Variants in CPLX2 observed in about 807,000 individuals in gnomAD.
CPLX2 encodes complexin 2, also known as complexin-2.
In CPLX2, 5 loss-of-function variants were observed where a neutral mutation model predicts 16.3. The observed-to-expected ratio is 0.31, with a 90% CI of 0.16 to 0.64. The LOEUF is 0.64. Among genes scored for constraint, CPLX2 ranks in the 30% least tolerant of loss-of-function variants. CPLX2 has a pLI of 0.79. For synonymous variants in CPLX2, 89 were observed against 73.2 expected, an observed-to-expected ratio of 1.22 and a Z score of -1.10; for missense variants, 144 against 181.4, an observed-to-expected ratio of 0.79 and a Z score of 1.18.
intron 2 of CPLX2, among the ~76,000 whole-genome samples, chr5:175,821,346 G>A (rs951790981): frequency 2.0e-5 from 3 of 151,732 alleles, no homozygotes; most frequent in Non-Finnish European, 4.4e-5. Context: ...GCCCCATCTC[G>A]CTTTTCCCCT....
At chr5:175,823,941 T>G (rs1191349131) in intron 2 of CPLX2, among the ~76,000 whole-genome samples, 1 of 152,152 alleles carries the variant, frequency 6.6e-6, no homozygotes, top group Non-Finnish European at 1.5e-5. Flanking sequence ...GAATAGGTAT[T>G]GAAATGCGCT....
At chr5:175,863,444 T>C (rs753325830) in intron 2 of CPLX2, among the ~76,000 whole-genome samples, 3 of 152,226 alleles carry the variant, frequency 2.0e-5, no homozygotes, top group Non-Finnish European at 4.4e-5. Context: ...GCTTAACCTC[T>C]CTGAGTCTGA....
Position 175,880,089 on chromosome 5 carries a change from T to G in CPLX2, c.*44T>G. On this transcript the variant is annotated 3_prime_UTR_variant, in exon 4 of 4. Coordinates refer to ENST00000393745, the MANE Select transcript of CPLX2 (RefSeq NM_001008220.2). ...CCTACTCCACCTGTTACTACTTCTT[T>G]TTGGTTCTTTCTTTTCTTTTTATTA... 1.3e-6 allele frequency: 2 copies of G among 1,569,038 alleles called. No homozygotes were observed. Among genetic ancestry groups the G allele is most frequent in the South Asian group, 2.3e-5 (2 of 86,002 alleles).
At position 175,883,402 on chromosome 5, in the gene CPLX2, TAA is replaced by T. The variant is rs1491371078; in HGVS notation, c.*3358_*3359del. ...GTCGAGACACCATCCCAGGTGTGTG[TAA>T]GAGAGAGAGAGAGAACAGGGAGGAT... On this transcript the variant is annotated 3_prime_UTR_variant, in exon 4 of 4. Coordinates refer to ENST00000393745, the MANE Select transcript of CPLX2 (RefSeq NM_001008220.2). 6.6e-6 allele frequency: 1 copy of T among 152,150 alleles called. No individual in the cohort carries two copies. Among genetic ancestry groups the T allele is most frequent in the Non-Finnish European group, 1.5e-5 (1 of 68,070 alleles). The allele number at this position is 152,150 out of a possible 1,614,324, so 9.4% of individuals were successfully genotyped here. A position where few individuals can be genotyped will look rare whatever the true frequency, so the allele number is the denominator to read the frequency against.
intron 2 of CPLX2, among the ~76,000 whole-genome samples, chr5:175,817,142 G>T (rs1353166327): frequency 6.6e-6 from 1 of 152,220 alleles, no homozygotes; most frequent in Non-Finnish European, 1.5e-5. Context: ...CACTTGCCAT[G>T]CTTTCTTCAG....
At chr5:175,838,556 C>T (rs1314645024) in intron 2 of CPLX2, among the ~76,000 whole-genome samples, 2 of 152,176 alleles carry the variant, frequency 1.3e-5, no homozygotes, top group African/African-American at 2.4e-5. Flanking sequence ...CCGCGCCCGG[C>T]CCCCCTTCTG....
intron 2 of CPLX2, among the ~76,000 whole-genome samples, chr5:175,846,046 C>T (rs1334086760): frequency 1.3e-5 from 2 of 152,156 alleles, no homozygotes; most frequent in African/African-American, 4.8e-5. Flanking sequence ...GCCCACACCG[C>T]ACCTGTGGCC....
chr5:175,833,138 A>G (rs72823129), intron 2 of CPLX2, among the ~76,000 whole-genome samples: 3,814 of 141,406 alleles, frequency 0.027, 72 homozygotes, highest in Non-Finnish European at 0.043. Context: ...CCTAGATGAC[A>G]AAAGTGAAAC....
chr5:175,871,940 G>T (rs923626814), intron 1 of CPLX2: 1 of 152,290 alleles, frequency 6.6e-6, no homozygotes, highest in African/African-American at 2.4e-5. Flanking sequence ...CCGCGAGCAG[G>T]CAGCTAGCTG....
chr5:175,825,936 G>GGAAAAA, intron 2 of CPLX2, among the ~76,000 whole-genome samples: 1 of 15,206 alleles, frequency 6.6e-5, no homozygotes, highest in Non-Finnish European at 1.1e-4. Flanking sequence ...ATGAATAAGT[G>GGAAAAA]CAAAAAAAAA....
Position 175,879,006 on chromosome 5 carries a change from C to G in CPLX2, c.130C>G (p.Gln44Glu). 1 of 1,596,880 alleles carries G rather than the reference C, an allele frequency of 6.3e-7. No homozygotes were observed. Among genetic ancestry groups the G allele is most frequent in the Non-Finnish European group, 8.5e-7 (1 of 1,172,110 alleles). ...GGAGCGGCAGGAGGCGCTGCGGCAG[C>G]AGGAGGAGGAGCGTAAGGCCAAGCA... ...EEERQEALRQ[Q>E]EEERKAKHAR... Residue 44 changes from glutamine to glutamate, a missense_variant, in exon 3 of 4, where the codon CAG becomes GAG. Physicochemically the swap from Gln to Glu is conservative, Grantham distance 29. Coordinates refer to ENST00000393745, the MANE Select transcript of CPLX2 (RefSeq NM_001008220.2).
chr5:175,803,467 G>C (rs1240549712), intron 1 of CPLX2, among the ~76,000 whole-genome samples: 1 of 152,230 alleles, frequency 6.6e-6, no homozygotes, highest in African/African-American at 2.4e-5. Context: ...TCAAGGAAGA[G>C]GCATTGGGAC....
chr5:175,875,609 G>A (rs1759739426), intron 1 of CPLX2, among the ~76,000 whole-genome samples: 1 of 152,180 alleles, frequency 6.6e-6, no homozygotes, highest in Admixed American at 6.5e-5. Context: ...TTCAAGATCT[G>A]AGTCAGGCAT....
intron 2 of CPLX2, among the ~76,000 whole-genome samples, chr5:175,829,344 G>T (rs945385584): frequency 3.3e-5 from 5 of 152,208 alleles, no homozygotes; most frequent in Non-Finnish European, 7.3e-5. Context: ...CACCTGCTCA[G>T]CCATGCTCCC....
chr5:175,853,807 G>A (rs372318318), intron 2 of CPLX2, among the ~76,000 whole-genome samples: 7 of 152,188 alleles, frequency 4.6e-5, no homozygotes, highest in East Asian at 1.9e-4. Flanking sequence ...TTGAGCAAGC[G>A]GCTGCACTTC....
At chr5:175,871,423 G>GAA (rs1759595982), upstream of CPLX2, 1 of 117,232 alleles carries the variant, frequency 8.5e-6, no homozygotes, top group African/African-American at 3.3e-5. Flanking sequence ...GAGAGAGAGA[G>GAA]AGAGAGAGAC....
At chr5:175,812,381 C>T (rs960542051) in intron 2 of CPLX2, among the ~76,000 whole-genome samples, 10 of 152,174 alleles carry the variant, frequency 6.6e-5, no homozygotes, top group African/African-American at 1.9e-4. Context: ...GTCTCTCACA[C>T]GGGTCTGGGA....
chr5:175,810,377 T>A (rs1259672535), intron 2 of CPLX2, among the ~76,000 whole-genome samples: 2 of 152,196 alleles, frequency 1.3e-5, no homozygotes, highest in Non-Finnish European at 2.9e-5. Flanking sequence ...CCCAGCAACC[T>A]TCTTCAGGTT....
At chr5:175,796,915 C>A (rs1014464385) in intron 1 of CPLX2, 1 of 152,200 alleles carries the variant, frequency 6.6e-6, no homozygotes, top group African/African-American at 2.4e-5. Flanking sequence ...GCCTCTCCCC[C>A]TCCCTGGAGC....
Sources: allele counts gnomAD v4.1 joint callset (sites outside exome capture counted in the v4.1 genomes callset), GRCh38; gene constraint gnomAD v4.1.1; transcripts MANE v1.5; gene names NCBI Gene and HGNC (gene_info 2026-07-23, HGNC 2026-07-21).